Variants in PRR16 observed in about 807,000 individuals in gnomAD.
The protein encoded by PRR16 is proline rich 16, also known as protein Largen.
PRR16 carries 6 observed loss-of-function variants against 18.2 expected under a neutral mutation model. That is an observed-to-expected ratio of 0.33 (90% confidence interval 0.18 to 0.65). The LOEUF is 0.65. PRR16 is among the 30% of genes least tolerant of loss of function. The pLI, the probability that PRR16 is intolerant of heterozygous loss-of-function variation, is 0.74. For synonymous variants in PRR16, 151 were observed against 147.8 expected, an observed-to-expected ratio of 1.02 and a Z score of -0.16; for missense variants, 412 against 376.6, an observed-to-expected ratio of 1.09 and a Z score of -0.78.
the PRR16 span, among the ~76,000 whole-genome samples, chr5:120,784,637 A>T: frequency 6.6e-6 from 1 of 152,224 alleles, no homozygotes; most frequent in Non-Finnish European, 1.5e-5. Flanking sequence ...AAGAGATCGG[A>T]GTAGACATTT....
chr5:120,774,389 A>G, the PRR16 span, among the ~76,000 whole-genome samples: 1 of 152,254 alleles, frequency 6.6e-6, no homozygotes, highest in Non-Finnish European at 1.5e-5. Flanking sequence ...TTTTCTTCAG[A>G]AAAATAATAC....
Position 120,640,107 on chromosome 5 carries a change from G to T in PRR16, c.160-45847G>T, listed in dbSNP as rs111592317. Reference sequence around the variant, plus strand: ...CTAAGCATGTTTACATGGATATAAAGGTGGAAATGATAGATACTAGGAACT... The same window carrying T: ...CTAAGCATGTTTACATGGATATAAATGTGGAAATGATAGATACTAGGAACT... On this transcript the variant is annotated intron_variant, in intron 1 of 1. Coordinates refer to ENST00000407149, the MANE Select transcript of PRR16 (RefSeq NM_001300783.2). 5.7e-3 allele frequency among the ~76,000 whole-genome samples: 861 copies of T among 152,076 alleles called. 15 individuals are homozygous for T. The highest frequency in any genetic ancestry group is 0.019 in the African/African-American group (802 of 41,520).
chr5:120,767,529 ACTCC>A, the PRR16 span, among the ~76,000 whole-genome samples: 2 of 151,742 alleles, frequency 1.3e-5, no homozygotes, highest in Non-Finnish European at 2.9e-5. Context: ...GTTCTCCTTC[ACTCC>A]AATTTGAAGA....
chr5:120,787,380 A>G, the PRR16 span, among the ~76,000 whole-genome samples: 4 of 152,162 alleles, frequency 2.6e-5, no homozygotes, highest in African/African-American at 9.7e-5. Flanking sequence ...AAGCCTGGAT[A>G]TATGTAACAA....
At chr5:120,493,508 A>C (rs564967761) in intron 1 of PRR16, among the ~76,000 whole-genome samples, 1 of 152,282 alleles carries the variant, frequency 6.6e-6, no homozygotes, top group East Asian at 1.9e-4. Context: ...CAGTTATAAG[A>C]AATGATGCAG....
At chr5:120,652,432 T>A (rs1405082706) in intron 1 of PRR16, among the ~76,000 whole-genome samples, 1 of 152,104 alleles carries the variant, frequency 6.6e-6, no homozygotes, top group South Asian at 2.1e-4. Flanking sequence ...GAACTTTATA[T>A]TGGAGAAACT....
the PRR16 span, among the ~76,000 whole-genome samples, chr5:120,761,497 A>G: frequency 5.1e-3 from 782 of 152,272 alleles, 12 homozygotes; most frequent in African/African-American, 0.018. Context: ...GCAATCATGC[A>G]TAAGTGTTTA....
the PRR16 span, among the ~76,000 whole-genome samples, chr5:120,782,978 A>G: frequency 6.6e-6 from 1 of 152,136 alleles, no homozygotes; most frequent in South Asian, 2.1e-4. Flanking sequence ...CACTTACTAA[A>G]TATCCTCAAT....
chr5:120,644,960 C>A (rs185209409), intron 1 of PRR16, among the ~76,000 whole-genome samples: 14 of 152,254 alleles, frequency 9.2e-5, no homozygotes, highest in Admixed American at 6.6e-4. Flanking sequence ...CTAAAGCCAG[C>A]TGTTGACCAA....
chr5:120,535,706 A>G (rs932770712), intron 1 of PRR16, among the ~76,000 whole-genome samples: 17 of 152,276 alleles, frequency 1.1e-4, no homozygotes, highest in Middle Eastern at 3.4e-3. Flanking sequence ...AGGCTGAAGC[A>G]TGGGAATTGC....
At chr5:120,630,171 C>T (rs764346593) in intron 1 of PRR16, among the ~76,000 whole-genome samples, 6 of 151,822 alleles carry the variant, frequency 4.0e-5, no homozygotes, top group Non-Finnish European at 8.8e-5. Flanking sequence ...CTTATTTTAT[C>T]ATTTACATCT....
chr5:120,668,084 A>T (rs1419652915), intron 1 of PRR16, among the ~76,000 whole-genome samples: 3 of 151,946 alleles, frequency 2.0e-5, no homozygotes, highest in East Asian at 1.9e-4. Flanking sequence ...ATTGTGTGGG[A>T]GTCTAAGTCT....
At chr5:120,638,319 A>G (rs545960940) in intron 1 of PRR16, among the ~76,000 whole-genome samples, 1 of 152,244 alleles carries the variant, frequency 6.6e-6, no homozygotes, top group Admixed American at 6.5e-5. Context: ...TATTTCGCCA[A>G]GGTCATGCAT....
At chr5:120,792,002 G>A in the PRR16 span, among the ~76,000 whole-genome samples, 1 of 151,894 alleles carries the variant, frequency 6.6e-6, no homozygotes, top group African/African-American at 2.4e-5. Flanking sequence ...CCTGTGAGAT[G>A]ATAGGCATTG....
the PRR16 span, among the ~76,000 whole-genome samples, chr5:120,717,060 C>A: frequency 2.0e-5 from 3 of 152,062 alleles, no homozygotes; most frequent in South Asian, 2.1e-4. Context: ...TTTTTTGTGA[C>A]CTTGTCACCC....
At chr5:120,750,699 C>A in the PRR16 span, among the ~76,000 whole-genome samples, 1 of 151,814 alleles carries the variant, frequency 6.6e-6, no homozygotes, top group Middle Eastern at 3.2e-3. Context: ...TACATATGTG[C>A]ATATTTATGA....
chr5:120,558,629 T>C (rs1216056171), intron 1 of PRR16, among the ~76,000 whole-genome samples: 10 of 152,082 alleles, frequency 6.6e-5, no homozygotes, highest in East Asian at 1.9e-4. Flanking sequence ...GATATCTCTT[T>C]GATACGCTGA....
chr5:120,570,486 A>G (rs1283830596), intron 1 of PRR16, among the ~76,000 whole-genome samples: 2 of 152,204 alleles, frequency 1.3e-5, no homozygotes, highest in Admixed American at 1.3e-4. Flanking sequence ...CAGGGGAAAC[A>G]TGACCTAATG....
chr5:120,627,128 T>A (rs141532303), intron 1 of PRR16, among the ~76,000 whole-genome samples: 21 of 152,254 alleles, frequency 1.4e-4, no homozygotes, highest in African/African-American at 5.1e-4. Flanking sequence ...AATTGTACTT[T>A]GTGATATATG....
Sources: allele counts gnomAD v4.1 joint callset (sites outside exome capture counted in the v4.1 genomes callset), GRCh38; gene constraint gnomAD v4.1.1; transcripts MANE v1.5; gene names NCBI Gene and HGNC (gene_info 2026-07-23, HGNC 2026-07-21).